MCTP1: variants seen among roughly 807,000 people sequenced by gnomAD.
MCTP1 encodes multiple C2 and transmembrane domain containing 1.
In MCTP1, 69 loss-of-function variants were observed where a neutral mutation model predicts 120.6. The ratio of observed to expected loss-of-function variants is 0.57; its 90% confidence interval spans 0.47 to 0.70. The LOEUF (loss-of-function observed/expected upper bound fraction) is 0.70, where lower values mean the gene tolerates loss of function less well. MCTP1 is among the 30% of genes least tolerant of loss of function. MCTP1 has a pLI of 0.00. For missense variants in MCTP1, 1,203 were observed against 1,248.8 expected (o/e 0.96, Z 0.55); for synonymous variants, 529 against 493.1 (o/e 1.07, Z -0.96).
rs559883547 is a variant in MCTP1, at chr5:95,065,899, C to A, written c.721-48415G>T. On this transcript the variant is annotated intron_variant, in intron 1 of 22. Coordinates refer to ENST00000515393, the MANE Select transcript of MCTP1 (RefSeq NM_024717.7). ...AGTCTTAAATGTAAGACTGGAAATT[C>A]CAAACTACTAGAAGACAACATAAGA... is the stretch of plus-strand genomic sequence containing the variant. Among the ~76,000 whole-genome samples, 73 of 152,138 alleles carry A rather than the reference C, an allele frequency of 4.8e-4. 2 individuals are homozygous for A. The Middle Eastern group carries it at 0.014, about 28-fold the overall frequency.
In MCTP1 at chr5:94,927,283, A is replaced by AT. The variant is rs1299402011; in HGVS notation, c.1213-3263dup. Reference sequence around the variant, plus strand: ...TTTGATAATAGAAATACTCACTGCTATTTACCATTTGTTCATTGTTGCATT... The same window carrying AT: ...TTTGATAATAGAAATACTCACTGCTATTTTACCATTTGTTCATTGTTGCATT... On this transcript the variant is annotated intron_variant, in intron 6 of 22. Coordinates refer to ENST00000515393, the MANE Select transcript of MCTP1 (RefSeq NM_024717.7). 9.2e-5 allele frequency among the ~76,000 whole-genome samples: 14 copies of AT among 152,120 alleles called. 2 individuals carry two copies. Among genetic ancestry groups the AT allele is most frequent in the Non-Finnish European group, 2.1e-4 (14 of 68,006 alleles).
At chr5:95,213,846 C>G (rs1403918256) in intron 1 of MCTP1, among the ~76,000 whole-genome samples, 1 of 152,250 alleles carries the variant, frequency 6.6e-6, no homozygotes, top group African/African-American at 2.4e-5. Flanking sequence ...TTCCTTACAC[C>G]TTATACAAAA....
intron 1 of MCTP1, among the ~76,000 whole-genome samples, chr5:95,136,024 TA>T (rs1759422352): frequency 6.6e-6 from 1 of 152,222 alleles, no homozygotes; most frequent in Non-Finnish European, 1.5e-5. Context: ...AAGTAGGTTT[TA>T]AAATCTGTCC....
At chr5:95,043,330 G>T (rs1185775950) in intron 1 of MCTP1, among the ~76,000 whole-genome samples, 4 of 152,034 alleles carry the variant, frequency 2.6e-5, no homozygotes, top group African/African-American at 9.7e-5. Flanking sequence ...AACTCCTTTT[G>T]CACTGATCCT....
intron 1 of MCTP1, among the ~76,000 whole-genome samples, chr5:95,196,688 A>G (rs1437444962): frequency 6.6e-6 from 1 of 152,212 alleles, no homozygotes; most frequent in Admixed American, 6.5e-5. Context: ...CTGGGCCTTA[A>G]CAGGAGCAGT....
intron 1 of MCTP1, among the ~76,000 whole-genome samples, chr5:95,099,692 G>A (rs370714211): frequency 4.6e-4 from 69 of 151,536 alleles, no homozygotes; most frequent in South Asian, 1.7e-3. Context: ...AAACTAGTTC[G>A]ACCATTGTGG....
At chr5:94,938,929 C>G (rs889422371) in intron 5 of MCTP1, among the ~76,000 whole-genome samples, 2 of 152,052 alleles carry the variant, frequency 1.3e-5, no homozygotes, top group Non-Finnish European at 1.5e-5. Context: ...CACAAGGGTG[C>G]ATGTGCACAC....
chr5:94,907,694 C>T (rs1265329552), intron 10 of MCTP1, among the ~76,000 whole-genome samples: 2 of 151,770 alleles, frequency 1.3e-5, no homozygotes, highest in African/African-American at 4.8e-5. Context: ...AGAAAATGAT[C>T]AGTCCCAATT....
chr5:94,814,704 G>A (rs958997583), intron 17 of MCTP1, among the ~76,000 whole-genome samples: 1 of 151,896 alleles, frequency 6.6e-6, no homozygotes, highest in African/African-American at 2.4e-5. Context: ...AACTCAGTGA[G>A]AGAAGACATG....
intron 19 of MCTP1, among the ~76,000 whole-genome samples, chr5:94,742,885 G>T (rs951249477): frequency 6.6e-6 from 1 of 152,024 alleles, no homozygotes; most frequent in African/African-American, 2.4e-5. Context: ...CCTATTATCT[G>T]CTAGGCTGGG....
At chr5:95,133,603 C>T (rs866943829) in intron 1 of MCTP1, among the ~76,000 whole-genome samples, 2 of 152,148 alleles carry the variant, frequency 1.3e-5, no homozygotes, top group African/African-American at 2.4e-5. Flanking sequence ...TGCAGTGAGC[C>T]GAGATCGTGC....
In MCTP1 at chr5:94,846,354, C is replaced by T. The variant is rs62365732; in HGVS notation, c.2436+21979G>A. On this transcript the variant is annotated intron_variant, in intron 17 of 22. Transcript: ENST00000515393. ...AATGAGATCAGGTCCTCTGAAGCAA[C>T]ATGGATGGAGCTGGAGGCCATTATC... Among the ~76,000 whole-genome samples, 1,018 of 152,194 alleles carry T rather than the reference C, an allele frequency of 6.7e-3. 3 individuals are homozygous for T. The highest frequency in any genetic ancestry group is 0.012 in the Non-Finnish European group (784 of 68,000).
intron 17 of MCTP1, among the ~76,000 whole-genome samples, chr5:94,858,529 C>T (rs901778012): frequency 4.0e-5 from 6 of 151,672 alleles, no homozygotes; most frequent in Admixed American, 4.0e-4. Flanking sequence ...CAATTTTACA[C>T]TCTTGGAATT....
intron 1 of MCTP1, among the ~76,000 whole-genome samples, chr5:95,021,383 G>T (rs903708948): frequency 6.6e-6 from 1 of 151,948 alleles, no homozygotes; most frequent in Non-Finnish European, 1.5e-5. Flanking sequence ...ATTTTGATTT[G>T]AACTGCATTG....
intron 2 of MCTP1, among the ~76,000 whole-genome samples, chr5:94,981,544 T>C (rs1430632781): frequency 6.6e-6 from 1 of 152,070 alleles, no homozygotes; most frequent in Admixed American, 6.6e-5. Flanking sequence ...TCAAGGAGTC[T>C]CCCTCCATTC....
intron 17 of MCTP1, among the ~76,000 whole-genome samples, chr5:94,865,210 G>T (rs1345929313): frequency 6.6e-6 from 1 of 151,688 alleles, no homozygotes; most frequent in Non-Finnish European, 1.5e-5. Context: ...AAGGAAGCTG[G>T]AGCTGTCCTA....
At chr5:94,996,212 G>A (rs1832587496) in intron 2 of MCTP1, among the ~76,000 whole-genome samples, 1 of 152,116 alleles carries the variant, frequency 6.6e-6, no homozygotes, top group South Asian at 2.1e-4. Context: ...GAAAAAATTT[G>A]TATACATGTC....
In MCTP1 at chr5:94,818,002, C is replaced by A. The variant is rs566959707; in HGVS notation, c.2437-18870G>T. Among the ~76,000 whole-genome samples the A allele has an allele frequency of 5.3e-5, 8 of 152,168 alleles. No homozygotes were observed. In the South Asian group the frequency reaches 1.7e-3, roughly 32 times the overall value. On this transcript the variant is annotated intron_variant, in intron 17 of 22. Transcript: ENST00000515393. ...ATCAGCTGCTCCTGGTTATACTAAT[C>A]GGTTCAAGGATGGGCAAATCAGAAC...
At chr5:94,795,846 T>C (rs1298690902) in intron 18 of MCTP1, among the ~76,000 whole-genome samples, 1 of 152,220 alleles carries the variant, frequency 6.6e-6, no homozygotes, top group Non-Finnish European at 1.5e-5. Flanking sequence ...TCTTTACTTA[T>C]TCTGTCCTTA....
Sources: gnomAD v4.1 joint callset for allele counts (sites outside exome capture counted in the v4.1 genomes callset) on GRCh38, gnomAD v4.1.1 for gene constraint, MANE v1.5 for transcripts, NCBI Gene and HGNC (gene_info 2026-07-23, HGNC 2026-07-21) for gene names.